The following LPIN1 variants were observed in gnomAD, a reference collection of about 807,000 sequenced individuals.
The protein encoded by LPIN1 is lipin 1.
A neutral mutation model predicts 107.5 loss-of-function variants in LPIN1; 71 were observed. The ratio of observed to expected loss-of-function variants is 0.66; its 90% CI spans 0.55 to 0.80. The LOEUF (loss-of-function observed/expected upper bound fraction) is 0.80, where lower values mean the gene tolerates loss of function less well. Among genes scored for constraint, LPIN1 ranks in the 30% least tolerant of loss-of-function variants. LPIN1 has a pLI of 0.00. For synonymous variants in LPIN1, 445 were observed against 452.6 expected, an observed-to-expected ratio of 0.98 and a Z score of 0.21; for missense variants, 1,043 against 1,160.6, an observed-to-expected ratio of 0.90 and a Z score of 1.47.
At chr2:11,745,695 G>A (rs115561077), upstream of LPIN1, among the ~76,000 whole-genome samples, 275 of 152,338 alleles carry the variant, frequency 1.8e-3, 1 homozygote, top group Middle Eastern at 6.8e-3. Flanking sequence ...GGGTGACAGA[G>A]TGGGACCCTG....
chr2:11,768,664 T>C (rs138790646), intron 3 of LPIN1, among the ~76,000 whole-genome samples: 4,448 of 152,222 alleles, frequency 0.029, 113 homozygotes, highest in Non-Finnish European at 0.043. Flanking sequence ...GGGCTGGGCA[T>C]GGTGGCTCAC....
At position 11,713,878 on chromosome 2, in the gene LPIN1, C is replaced by T. The variant is rs1177474828; in HGVS notation, c.138+66C>T. On this transcript the variant is annotated intron_variant, in intron 2 of 21. Transcript: ENST00000449576. ...CATTTTAAGATTAGAGAAAATACTC[C>T]ATGTCCAGCTGTGGTTTGTCGCCAT... The T allele has an allele frequency of 3.5e-6, 4 of 1,148,462 alleles. No individual in the cohort carries two copies. The East Asian group carries it at 1.0e-4, about 29-fold the overall frequency. 71.1% of individuals were successfully genotyped at this position (1,148,462 alleles called of 1,614,324 possible).
At position 11,803,457 on chromosome 2, in the gene LPIN1, T is replaced by C. The variant is rs1175946157; in HGVS notation, c.2013+424T>C. ...GTGATAGAATTTAGAGAATTTCAGG[T>C]AACCAGGGGCATCACCTGGTCATGG... On this transcript the variant is annotated intron_variant, in intron 15 of 20. Transcript: ENST00000674199. This position sits in a 1 kb window ranked among gnomAD's most constrained non-coding sequence, Gnocchi z 4.2. Among the ~76,000 whole-genome samples the C allele has an allele frequency of 6.6e-6, 1 of 152,240 alleles. No homozygotes were observed. The highest frequency in any genetic ancestry group is 1.5e-5 in the Non-Finnish European group (1 of 68,038).
chr2:11,771,579 A>T lies in LPIN1; in HGVS notation c.496A>T (p.Ser166Cys), dbSNP rs767391971. 30 of 1,613,432 alleles carry T rather than the reference A, an allele frequency of 1.9e-5. No homozygotes were observed. Among genetic ancestry groups the T allele is most frequent in the Non-Finnish European group, 5.1e-6 (6 of 1,179,716 alleles). ...RKRRRKSQLD[S>C]LKRDDNMNTS... Reference sequence around the variant, plus strand: ...AAGGAGGAGAAAGTCACAGCTGGACAGCCTGAAGAGAGATGACAACATGAA... The same window carrying T: ...AAGGAGGAGAAAGTCACAGCTGGACTGCCTGAAGAGAGATGACAACATGAA... Residue 166 changes from serine (S) to cysteine (C), a missense_variant, in exon 4 of 21, where the codon AGC becomes TGC. By Grantham distance (112) the Ser-to-Cys change is moderately radical. Coordinates refer to ENST00000674199, the MANE Select transcript of LPIN1 (RefSeq NM_001349206.2). The surrounding 1 kb of genome is among the most constrained non-coding windows in gnomAD (Gnocchi z 4.8).
Position 11,707,565 on chromosome 2 carries a change from G to GAAATGGCTCCAC in LPIN1, c.82-6190_82-6189insAATGGCTCCACA, listed in dbSNP as rs1663187957. Among the ~76,000 whole-genome samples, 1 of 152,216 alleles carries GAAATGGCTCCAC rather than the reference G, an allele frequency of 6.6e-6. No homozygotes were observed. The highest frequency in any genetic ancestry group is 1.9e-4 in the East Asian group (1 of 5,192). On this transcript the variant is annotated intron_variant, in intron 1 of 21. Transcript: ENST00000449576. This position sits in a 1 kb window ranked among gnomAD's most constrained non-coding sequence, Gnocchi z 4.2. ...TGCTGTGAGGAGCAGAGCTGATGAG[G>GAAATGGCTCCAC]AGCAGAAACAGACTGGCTGTGGAGC...
chr2:11,804,021 C>G (rs1000780525), intron 15 of LPIN1, among the ~76,000 whole-genome samples: 1 of 152,140 alleles, frequency 6.6e-6, no homozygotes. Flanking sequence ...ATTTGTCTCC[C>G]TGAATGATGA....
chr2:11,687,287 T>A (rs1033131943), intron 1 of LPIN1, among the ~76,000 whole-genome samples: 3 of 152,214 alleles, frequency 2.0e-5, no homozygotes, highest in Non-Finnish European at 4.4e-5. Context: ...CCTGATCTGT[T>A]TTTAAACAAT....
At chr2:11,690,963 A>G (rs1662238879) in intron 1 of LPIN1, among the ~76,000 whole-genome samples, 1 of 152,180 alleles carries the variant, frequency 6.6e-6, no homozygotes, top group Non-Finnish European at 1.5e-5. Context: ...TGACTGTTAA[A>G]TGAAAATAGG....
Position 11,785,088 on chromosome 2 carries a change from C to T in LPIN1, c.1549+12C>T. 1.3e-6 allele frequency: 2 copies of T among 1,538,082 alleles called. No individual in the cohort carries two copies. Among genetic ancestry groups the T allele is most frequent in the Non-Finnish European group, 1.7e-6 (2 of 1,146,752 alleles). Reference sequence around the variant, plus strand: ...GGAGATCACGAAAGGTACCGCGGGCCTCGCGCGGGCGCCCTCTGGTGGCCG... The same window carrying T: ...GGAGATCACGAAAGGTACCGCGGGCTTCGCGCGGGCGCCCTCTGGTGGCCG... On this transcript the variant is annotated intron_variant, in intron 10 of 20. Transcript: ENST00000674199.
intron 2 of LPIN1, among the ~76,000 whole-genome samples, chr2:11,714,796 G>T (rs1318444884): frequency 2.6e-5 from 4 of 152,216 alleles, no homozygotes; most frequent in Non-Finnish European, 5.9e-5. Flanking sequence ...GTAACACTTA[G>T]TCTCCACCCT....
At chr2:11,811,240 T>G (rs369577095) in intron 17 of LPIN1, among the ~76,000 whole-genome samples, 1 of 152,106 alleles carries the variant, frequency 6.6e-6, no homozygotes, top group Non-Finnish European at 1.5e-5. Context: ...AGCCTGTGGG[T>G]TGAGCAGGGA....
At chr2:11,788,854 G>A (rs1675139232) in intron 12 of LPIN1, among the ~76,000 whole-genome samples, 1 of 152,206 alleles carries the variant, frequency 6.6e-6, no homozygotes, top group South Asian at 2.1e-4. Context: ...AGTGTCAAGT[G>A]TCAGTGTCAA....
intron 20 of LPIN1, among the ~76,000 whole-genome samples, chr2:11,821,823 C>T (rs761025084): frequency 2.6e-5 from 4 of 152,184 alleles, no homozygotes; most frequent in Admixed American, 6.5e-5. Flanking sequence ...CCCAAGCAGT[C>T]CTCAAGGTTT....
At chr2:11,785,629 A>G (rs1204633857) in intron 10 of LPIN1, among the ~76,000 whole-genome samples, 4 of 152,052 alleles carry the variant, frequency 2.6e-5, no homozygotes, top group Admixed American at 2.6e-4. Flanking sequence ...GGGACTAGAC[A>G]CAGTGGCCCT....
intron 1 of LPIN1, among the ~76,000 whole-genome samples, chr2:11,758,444 T>G (rs1005140415): frequency 6.6e-6 from 1 of 152,218 alleles, no homozygotes; most frequent in Non-Finnish European, 1.5e-5. Flanking sequence ...TCTGTCTTTT[T>G]TTTTCTTAAA....
intron 1 of LPIN1, among the ~76,000 whole-genome samples, chr2:11,734,121 A>G (rs1665546238): frequency 6.6e-6 from 1 of 152,240 alleles, no homozygotes; most frequent in South Asian, 2.1e-4. Flanking sequence ...GTATTAAATT[A>G]GAGACCTTCA....
chr2:11,699,374 G>T (rs1217204365), intron 1 of LPIN1, among the ~76,000 whole-genome samples: 1 of 152,194 alleles, frequency 6.6e-6, no homozygotes, highest in Non-Finnish European at 1.5e-5. Flanking sequence ...GTTGATGTCA[G>T]GGTCGACCCA....
chr2:11,677,550 A>G (rs1572279174), upstream of LPIN1: 1 of 899,544 alleles, frequency 1.1e-6, no homozygotes, highest in Non-Finnish European at 1.7e-6. Flanking sequence ...CTCCAGTGTC[A>G]CCCAGCCCAG....
Position 11,825,069 on chromosome 2 carries a change from T to C in LPIN1, c.*278T>C. Reference sequence around the variant, plus strand: ...CTTAATGCCAGTTACGACGCTGCCTTTCCGGCCTGCTCCAGCAAGTAGCTA... The same window carrying C: ...CTTAATGCCAGTTACGACGCTGCCTCTCCGGCCTGCTCCAGCAAGTAGCTA... On this transcript the variant is annotated 3_prime_UTR_variant, in exon 21 of 21. Coordinates refer to ENST00000674199, the MANE Select transcript of LPIN1 (RefSeq NM_001349206.2). The surrounding 1 kb of genome is among the most constrained non-coding windows in gnomAD (Gnocchi z 4.1). 2 of 469,916 alleles carry C rather than the reference T, an allele frequency of 4.3e-6. No individual in the cohort carries two copies. Among genetic ancestry groups the C allele is most frequent in the South Asian group, 4.3e-5 (2 of 46,770 alleles). The allele number at this position is 469,916 out of a possible 1,614,324, so 29.1% of individuals were successfully genotyped here. A position where few individuals can be genotyped will look rare whatever the true frequency, so the allele number is the denominator to read the frequency against.
Sources: gnomAD v4.1 joint callset for allele counts (sites outside exome capture counted in the v4.1 genomes callset) on GRCh38, gnomAD v4.1.1 for gene constraint, Gnocchi (gnomAD v3.1) non-coding constraint, MANE v1.5 for transcripts, NCBI Gene and HGNC (gene_info 2026-07-23, HGNC 2026-07-21) for gene names.